OR2A7: variants seen among roughly 807,000 people sequenced by gnomAD.
OR2A7 encodes the protein olfactory receptor family 2 subfamily A member 7, also known as olfactory receptor 2A7.
For missense variants in OR2A7, 35 were observed against 359.2 expected, an observed-to-expected ratio of 0.10 and a Z score of 7.30; for synonymous variants, 10 against 147.1, an observed-to-expected ratio of 0.07 and a Z score of 6.74.
intron 1 of OR2A7, among the ~76,000 whole-genome samples, chr7:144,261,444 C>G (rs1235534266): frequency 6.6e-6 from 1 of 151,120 alleles, no homozygotes; most frequent in African/African-American, 2.4e-5. Flanking sequence ...TTGAAACCAG[C>G]CTGGGCAGCA....
At position 144,259,906 on chromosome 7, in the gene OR2A7, G is replaced by A. The variant is rs1374006323; in HGVS notation, c.-4-274C>T. Among the ~76,000 whole-genome samples, 19 of 137,374 alleles carry A rather than the reference G, an allele frequency of 1.4e-4. No individual in the cohort carries two copies. In the East Asian group the frequency reaches 3.4e-3, roughly 24 times the overall value. The allele number at this position is 137,374 out of a possible 152,430, so 90.1% of individuals were successfully genotyped here. On this transcript the variant is annotated intron_variant, in intron 1 of 1. Coordinates refer to ENST00000641841, the MANE Select transcript of OR2A7 (RefSeq NM_001005328.2). ...GCGGATTGCCTGAGCTCAGGAGTTC[G>A]AGACCAGCATTGACAACACGGTGAA...
At chr7:144,260,329 C>A (rs2052628531) in intron 1 of OR2A7, among the ~76,000 whole-genome samples, 1 of 150,362 alleles carries the variant, frequency 6.7e-6, no homozygotes, top group Non-Finnish European at 1.5e-5. Context: ...TTGTTTGATT[C>A]AGTGAGCTAT....
At chr7:144,261,685 TA>T (rs1407078234) in intron 1 of OR2A7, among the ~76,000 whole-genome samples, 1 of 151,220 alleles carries the variant, frequency 6.6e-6, no homozygotes, top group Non-Finnish European at 1.5e-5. Flanking sequence ...TCTATTAATA[TA>T]TTTTAGTCAT....
At chr7:144,260,127 A>C (rs1466568763) in intron 1 of OR2A7, among the ~76,000 whole-genome samples, 2 of 129,570 alleles carry the variant, frequency 1.5e-5, no homozygotes, top group African/African-American at 5.4e-5. Context: ...AAAAAAAAAA[A>C]AAAGAAAAGG....
At chr7:144,261,900 T>C (rs1383547925) in intron 1 of OR2A7, among the ~76,000 whole-genome samples, 2 of 151,986 alleles carry the variant, frequency 1.3e-5, no homozygotes, top group African/African-American at 4.8e-5. Flanking sequence ...CTAGATAATC[T>C]TCATATAGAA....
rs1739173684 is a variant in OR2A7 at position 144,258,106 on chromosome 7, AG to A, written c.*589del. On this transcript the variant is annotated 3_prime_UTR_variant, in exon 2 of 2. Coordinates refer to ENST00000641841, the MANE Select transcript of OR2A7 (RefSeq NM_001005328.2). Reference sequence around the variant, plus strand: ...AAAAAAGAAATCATTCTGCCCTAGAAGGGGGCTGTAGGAAGTATTCACAATG... The same window carrying A: ...AAAAAAGAAATCATTCTGCCCTAGAAGGGGCTGTAGGAAGTATTCACAATG... The A allele has an allele frequency of 1.1e-5, 1 of 87,290 alleles. No homozygotes were observed. Among genetic ancestry groups the A allele is most frequent in the South Asian group, 3.2e-4 (1 of 3,078 alleles). The allele number at this position is 87,290 out of a possible 1,614,324, so 5.4% of individuals were successfully genotyped here. A position where few individuals can be genotyped will look rare whatever the true frequency, so the allele number is the denominator to read the frequency against.
At chr7:144,259,689 G>A in intron 1 of OR2A7, 57 bp from the exon 2 acceptor site, 1 of 1,025,514 alleles carries the variant, frequency 9.8e-7, no homozygotes, top group Non-Finnish European at 1.5e-6. Context: ...TTTAAAAACA[G>A]ATTCATTTTA....
intron 1 of OR2A7, among the ~76,000 whole-genome samples, chr7:144,261,147 AAAAAT>A (rs199710985): frequency 0.029 from 4,212 of 145,398 alleles, 5 homozygotes; most frequent in South Asian, 0.078. Flanking sequence ...CTCATGTTGA[AAAAAT>A]AAAATAATTT....
chr7:144,259,354 G>T lies in OR2A7; in HGVS notation c.275C>A (p.Ser92Tyr), dbSNP rs2052608498. 9.0e-7 allele frequency: 1 copy of T among 1,112,692 alleles called. No homozygotes were observed. The highest frequency in any genetic ancestry group is 1.8e-5 in the African/African-American group (1 of 55,308). 68.9% of individuals were successfully genotyped at this position (1,112,692 alleles called of 1,614,324 possible). ...GGTCTGCATCATGCGGCCCGCAAAG[G>T]AGATGGGCTTGGCTGGATGCAGGAG... ...VNLLHPAKPI[S>Y]FAGRMMQTFL... The change falls in exon 2 of 2, where the codon TCC (serine) becomes TAC (tyrosine). Residue 92 changes from serine (S) to tyrosine (Y), a missense_variant. Transcript: ENST00000641841.
chr7:144,260,058 G>C (rs59419553), intron 1 of OR2A7, among the ~76,000 whole-genome samples: 3,420 of 116,728 alleles, frequency 0.029, 120 homozygotes, highest in African/African-American at 0.1. Flanking sequence ...GCAGTGAGCC[G>C]AGATCACAAC....
At chr7:144,259,744 C>A (rs2128825379) in intron 1 of OR2A7, 112 bp from the exon 2 acceptor site, 1 of 646,682 alleles carries the variant, frequency 1.5e-6, no homozygotes, top group East Asian at 2.6e-5. Flanking sequence ...GTTCAGACAG[C>A]TGCAGTGAGT....
chr7:144,264,140 T>TA (rs1273384436), intron 1 of OR2A7, among the ~76,000 whole-genome samples: 1 of 151,832 alleles, frequency 6.6e-6, no homozygotes, highest in Non-Finnish European at 1.5e-5. Context: ...ATGCATTACT[T>TA]ACATGTTTGT....
At chr7:144,260,974 C>T (rs2052637681) in intron 1 of OR2A7, among the ~76,000 whole-genome samples, 2 of 147,238 alleles carry the variant, frequency 1.4e-5, no homozygotes, top group South Asian at 4.4e-4. Flanking sequence ...ATTTTATTCT[C>T]ATTTTTTATG....
Position 144,264,280 on chromosome 7 carries a change from G to A in OR2A7, c.-5+421C>T, listed in dbSNP as rs542791078. ...TTATTTTATTTTATTTTATTTTGGA[G>A]GTGGAGTCTTGTTCTGTTGCCCAGG... On this transcript the variant is annotated intron_variant, in intron 1 of 1. Transcript: ENST00000641841. 5.3e-3 allele frequency among the ~76,000 whole-genome samples: 806 copies of A among 150,690 alleles called. 1 individual carries two copies. Among genetic ancestry groups the A allele is most frequent in the African/African-American group, 0.019 (756 of 40,426 alleles).
rs551230290 is a variant in OR2A7, at chr7:144,259,687, CAG to C, written c.-4-57_-4-56del. ...ATGGTTTAGGAGAAGTGTTTAAAAA[CAG>C]ATTCATTTTAACTTGTTCGGCACTC... On this transcript the variant is annotated intron_variant, in intron 1 of 1. Coordinates refer to ENST00000641841, the MANE Select transcript of OR2A7 (RefSeq NM_001005328.2). The C allele has an allele frequency of 3.9e-4, 409 of 1,044,396 alleles. 8 individuals carry two copies. The African/African-American group carries it at 6.3e-3, about 16-fold the overall frequency. The allele number at this position is 1,044,396 out of a possible 1,614,324, so 64.7% of individuals were successfully genotyped here.
At position 144,260,774 on chromosome 7, in the gene OR2A7, G is replaced by A. The variant is rs2052635484; in HGVS notation, c.-4-1142C>T. Among the ~76,000 whole-genome samples the A allele has an allele frequency of 4.0e-5, 6 of 151,482 alleles. No individual in the cohort carries two copies. The South Asian group carries it at 1.2e-3, about 31-fold the overall frequency. Reference sequence around the variant, plus strand: ...AGGATCAGTAACTTTTGTTGGATTTGGGCTTACTATTGATAAACACTCTAG... The same window carrying A: ...AGGATCAGTAACTTTTGTTGGATTTAGGCTTACTATTGATAAACACTCTAG... On this transcript the variant is annotated intron_variant, in intron 1 of 1. Coordinates refer to ENST00000641841, the MANE Select transcript of OR2A7 (RefSeq NM_001005328.2).
At chr7:144,260,122 A>C (rs1174138316) in intron 1 of OR2A7, among the ~76,000 whole-genome samples, 3 of 130,714 alleles carry the variant, frequency 2.3e-5, no homozygotes, top group Non-Finnish European at 5.0e-5. Context: ...AAAAAAAAAA[A>C]AAAAAAAAGA....
chr7:144,262,649 TAGA>T (rs2052660968), intron 1 of OR2A7, among the ~76,000 whole-genome samples: 2 of 77,096 alleles, frequency 2.6e-5, no homozygotes, highest in Non-Finnish European at 4.6e-5. Flanking sequence ...TTGACCTGTC[TAGA>T]AGAAGAATGG....
Position 144,259,296 on chromosome 7 carries a change from A to G in OR2A7, c.333T>C (p.Cys111=). 1 of 869,170 alleles carries G rather than the reference A, an allele frequency of 1.2e-6. No homozygotes were observed. Among genetic ancestry groups the G allele is most frequent in the Non-Finnish European group, 1.7e-6 (1 of 576,692 alleles). 53.8% of individuals were successfully genotyped at this position (869,170 alleles called of 1,614,324 possible). A position where few individuals can be genotyped will look rare whatever the true frequency, so the allele number is the denominator to read the frequency against. The change falls in exon 2 of 2, where the codon TGT becomes TGC. Residue 111 remains cysteine, a synonymous_variant. Coordinates refer to ENST00000641841, the MANE Select transcript of OR2A7 (RefSeq NM_001005328.2). The stretch of plus-strand genomic sequence containing the variant: ...CATAGGACATCACCACCAGGAGGAG[A>G]CATTCTGTGACAGCAAAAGTGGAAA... The part of the protein sequence containing the change: ...FLFSTFAVTE[C]LLLVVMSYDL...
Sources: allele counts gnomAD v4.1 joint callset (sites outside exome capture counted in the v4.1 genomes callset), GRCh38; gene constraint gnomAD v4.1.1; transcripts MANE v1.5; gene names NCBI Gene and HGNC (gene_info 2026-07-23, HGNC 2026-07-21).